PRDM16: variants seen among roughly 807,000 people sequenced by gnomAD.
PRDM16 encodes histone-lysine N-methyltransferase PRDM16.
Under a neutral mutation model 110.6 loss-of-function variants are expected in PRDM16, and 23 were observed. The observed-to-expected ratio is 0.21, with a 90% confidence interval of 0.15 to 0.29. The LOEUF (loss-of-function observed/expected upper bound fraction) is 0.29, where lower values mean the gene tolerates loss of function less well. PRDM16 is among the 10% of genes least tolerant of loss of function. PRDM16 has a pLI of 1.00. For synonymous variants in PRDM16, 799 were observed against 781.8 expected (o/e 1.02, Z -0.37); for missense variants, 1,615 against 1,794.3 (o/e 0.90, Z 1.81).
At chr1:3,248,922 G>A (rs1639859521) in intron 3 of PRDM16, among the ~76,000 whole-genome samples, 1 of 152,236 alleles carries the variant, frequency 6.6e-6, no homozygotes, top group South Asian at 2.1e-4. Context: ...GCTAATGAAG[G>A]ATGGCTGCTG....
chr1:3,239,075 C>T (rs1397484158), intron 2 of PRDM16, among the ~76,000 whole-genome samples: 1 of 152,254 alleles, frequency 6.6e-6, no homozygotes, highest in Non-Finnish European at 1.5e-5. Context: ...ATTGCCATCA[C>T]CTTGATGCAA....
intron 14 of PRDM16, among the ~76,000 whole-genome samples, chr1:3,429,784 C>G (rs2493277): frequency 0.41 from 62,328 of 152,156 alleles, 13,241 homozygotes; most frequent in Middle Eastern, 0.5. Flanking sequence ...AAGAGATAGA[C>G]ACGTGGCCCA....
chr1:3,343,470 A>T (rs1490981144), intron 3 of PRDM16, among the ~76,000 whole-genome samples: 2 of 148,884 alleles, frequency 1.3e-5, no homozygotes, highest in Non-Finnish European at 3.0e-5. Context: ...GAATGCTTTA[A>T]ATCTCTTCCT....
chr1:3,291,973 GCCTA>G (rs1194330173), intron 3 of PRDM16, among the ~76,000 whole-genome samples: 1 of 152,238 alleles, frequency 6.6e-6, no homozygotes, highest in Non-Finnish European at 1.5e-5. Flanking sequence ...CTCCTTTGGG[GCCTA>G]CCCGGTGCCT....
At chr1:3,253,486 A>T (rs1342491870) in intron 3 of PRDM16, among the ~76,000 whole-genome samples, 1 of 151,168 alleles carries the variant, frequency 6.6e-6, no homozygotes, top group South Asian at 2.1e-4. Flanking sequence ...GCGATAGTTT[A>T]TTGAGAATGA....
intron 3 of PRDM16, among the ~76,000 whole-genome samples, chr1:3,340,120 G>A (rs1336765190): frequency 6.6e-6 from 1 of 152,208 alleles, no homozygotes; most frequent in African/African-American, 2.4e-5. Flanking sequence ...TGGGTAAAGT[G>A]TGACCCTATT....
At chr1:3,432,163 C>G in intron 16 of PRDM16, 23 bp downstream of exon 16, 2 of 1,604,258 alleles carry the variant, frequency 1.2e-6, no homozygotes, top group Non-Finnish European at 8.5e-7. Flanking sequence ...CAGAGCCCCT[C>G]CCCCACCCCA....
At chr1:3,379,280 C>A (rs1285248071) in intron 3 of PRDM16, among the ~76,000 whole-genome samples, 2 of 44,640 alleles carry the variant, frequency 4.5e-5, no homozygotes, top group African/African-American at 1.2e-4. Context: ...CAACACACCC[C>A]TCCCAACACA....
At chr1:3,181,343 C>CACAAGCAGTCTT (rs1644173883) in intron 1 of PRDM16, among the ~76,000 whole-genome samples, 5 of 134,398 alleles carry the variant, frequency 3.7e-5, no homozygotes, top group African/African-American at 8.5e-5. Context: ...AGCAGTCTTA[C>CACAAGCAGTCTT]ACACGGTCTT....
intron 1 of PRDM16, among the ~76,000 whole-genome samples, chr1:3,082,735 G>A (rs746628599): frequency 3.0e-4 from 46 of 152,204 alleles, no homozygotes; most frequent in Admixed American, 3.9e-4. Context: ...GGTGGGGTGC[G>A]CTTCATCTCA....
chr1:3,268,600 A>T (rs574883148), intron 3 of PRDM16, among the ~76,000 whole-genome samples: 1 of 152,224 alleles, frequency 6.6e-6, no homozygotes, highest in Admixed American at 6.5e-5. Context: ...TAGCTAGCTT[A>T]AAAAAATCCA....
At chr1:3,426,846 G>A (rs540020090) in intron 14 of PRDM16, among the ~76,000 whole-genome samples, 35 of 152,340 alleles carry the variant, frequency 2.3e-4, no homozygotes, top group Middle Eastern at 3.4e-3. Context: ...CTGGGGACAG[G>A]GCTGTGGTCT....
chr1:3,289,766 G>A (rs1557584679), intron 3 of PRDM16, among the ~76,000 whole-genome samples: 1 of 152,186 alleles, frequency 6.6e-6, no homozygotes. Context: ...CTTCACAGCT[G>A]CTATGCCTGT....
intron 1 of PRDM16, among the ~76,000 whole-genome samples, chr1:3,084,230 C>T (rs550556851): frequency 1.3e-5 from 2 of 152,286 alleles, no homozygotes; most frequent in South Asian, 4.1e-4. Flanking sequence ...GCCTGTACCC[C>T]TCGGGTGGGG....
intron 3 of PRDM16, among the ~76,000 whole-genome samples, chr1:3,273,414 G>T (rs966768329): frequency 6.6e-6 from 1 of 151,876 alleles, no homozygotes; most frequent in African/African-American, 2.4e-5. Flanking sequence ...TGTGGAGGAG[G>T]TGCACATATG....
intron 3 of PRDM16, among the ~76,000 whole-genome samples, chr1:3,380,175 G>C (rs112875497): frequency 5.3e-5 from 8 of 150,384 alleles, no homozygotes; most frequent in African/African-American, 1.7e-4. Context: ...CCTTCTCAGC[G>C]CACTCATTGC....
chr1:3,120,582 C>T (rs141780953), intron 1 of PRDM16, among the ~76,000 whole-genome samples: 99 of 152,288 alleles, frequency 6.5e-4, no homozygotes, highest in African/African-American at 2.3e-3. Context: ...GAAAGGAACT[C>T]GGGAGACCCC....
At chr1:3,284,931 C>T (rs1010353105) in intron 3 of PRDM16, among the ~76,000 whole-genome samples, 4 of 152,226 alleles carry the variant, frequency 2.6e-5, no homozygotes, top group Admixed American at 6.5e-5. Context: ...CTGGCCCTTC[C>T]TGGGCTGTAA....
intron 1 of PRDM16, among the ~76,000 whole-genome samples, chr1:3,173,819 T>A (rs1644056019): frequency 6.6e-6 from 1 of 152,110 alleles, no homozygotes; most frequent in South Asian, 2.1e-4. Flanking sequence ...CTCTGGGTGG[T>A]TTATGCTCCC....
Sources: gnomAD v4.1 joint callset for allele counts (sites outside exome capture counted in the v4.1 genomes callset) on GRCh38, gnomAD v4.1.1 for gene constraint, MANE v1.5 for transcripts, NCBI Gene and HGNC (gene_info 2026-07-23, HGNC 2026-07-21) for gene names.